SYNDIG1: variants seen among roughly 807,000 people sequenced by gnomAD.
SYNDIG1 encodes the protein synapse differentiation-inducing gene protein 1.
SYNDIG1 carries 9 observed loss-of-function variants against 19.4 expected under a neutral mutation model. That is an observed-to-expected ratio of 0.46 (90% CI 0.28 to 0.81). The LOEUF (loss-of-function observed/expected upper bound fraction) is 0.81, where lower values mean the gene tolerates loss of function less well. Among genes scored for constraint, SYNDIG1 ranks in the 30% least tolerant of loss-of-function variants. The probability of loss-of-function intolerance (pLI) is 0.12; values close to 1 mark genes in which losing one functional copy is unlikely to be tolerated. For synonymous variants in SYNDIG1, 141 were observed against 145.9 expected, an observed-to-expected ratio of 0.97 and a Z score of 0.24; for missense variants, 311 against 343.3, an observed-to-expected ratio of 0.91 and a Z score of 0.74.
chr20:24,538,053 G>A lies in SYNDIG1; in HGVS notation c.-78-4967G>A, dbSNP rs1485096940. On this transcript the variant is annotated intron_variant, in intron 1 of 3. Transcript: ENST00000376862. Reference sequence around the variant, plus strand: ...TTTAGCATGAATCTCCACATAGATAGCTCTTCTTTTTATGTTTTATTTTAG... The same window carrying A: ...TTTAGCATGAATCTCCACATAGATAACTCTTCTTTTTATGTTTTATTTTAG... Among the ~76,000 whole-genome samples the A allele has an allele frequency of 2.6e-5, 4 of 152,090 alleles. No homozygotes were observed. The East Asian group carries it at 5.8e-4, about 22-fold the overall frequency.
chr20:24,642,356 A>T (rs2059386811), intron 3 of SYNDIG1, among the ~76,000 whole-genome samples: 1 of 151,972 alleles, frequency 6.6e-6, no homozygotes, highest in Admixed American at 6.6e-5. Flanking sequence ...TTGCACCTGG[A>T]GAGAGAGGGA....
intron 3 of SYNDIG1, among the ~76,000 whole-genome samples, chr20:24,624,792 C>T (rs1464407579): frequency 6.6e-6 from 1 of 152,124 alleles, no homozygotes; most frequent in Non-Finnish European, 1.5e-5. Context: ...AGGCCATATT[C>T]TGGGTCACAA....
At chr20:24,586,809 G>A (rs116502685) in intron 3 of SYNDIG1, among the ~76,000 whole-genome samples, 127 of 152,320 alleles carry the variant, frequency 8.3e-4, no homozygotes, top group African/African-American at 2.8e-3. Flanking sequence ...GGCTGCCTAC[G>A]TGGCCAAAGG....
At chr20:24,473,532 C>T (rs887647788) in intron 1 of SYNDIG1, among the ~76,000 whole-genome samples, 4 of 152,076 alleles carry the variant, frequency 2.6e-5, no homozygotes, top group African/African-American at 4.8e-5. Flanking sequence ...TGAAGTAACC[C>T]GGGCACCAGC....
intron 3 of SYNDIG1, among the ~76,000 whole-genome samples, chr20:24,622,143 A>T (rs2059049139): frequency 6.6e-6 from 1 of 152,238 alleles, no homozygotes; most frequent in Non-Finnish European, 1.5e-5. Flanking sequence ...ACGTTGATGG[A>T]AGAGGTAGAC....
chr20:24,500,051 A>T (rs1286318803), intron 1 of SYNDIG1, among the ~76,000 whole-genome samples: 1 of 152,166 alleles, frequency 6.6e-6, no homozygotes, highest in Admixed American at 6.5e-5. Flanking sequence ...AGGGAACCCA[A>T]AAAAGGCCAC....
chr20:24,590,844 G>A (rs7268862), intron 3 of SYNDIG1, among the ~76,000 whole-genome samples: 28,576 of 152,166 alleles, frequency 0.19, 3,563 homozygotes, highest in Admixed American at 0.34. Flanking sequence ...GCCCGTGGGA[G>A]CATTGACCGC....
rs563375603 is a variant in SYNDIG1, at chr20:24,569,410, A to G, written c.481-15446A>G. On this transcript the variant is annotated intron_variant, in intron 2 of 3. Coordinates refer to ENST00000376862, the MANE Select transcript of SYNDIG1 (RefSeq NM_024893.3). ...AATCACATATGATTAATTCACTTAT[A>G]AAGTTCCACATGCCCAGAGAGAGCA... Among the ~76,000 whole-genome samples, 4 of 152,284 alleles carry G rather than the reference A, an allele frequency of 2.6e-5. No homozygotes were observed. The South Asian group carries it at 8.3e-4, about 32-fold the overall frequency.
intron 2 of SYNDIG1, among the ~76,000 whole-genome samples, chr20:24,558,995 A>G (rs2057881449): frequency 1.3e-5 from 2 of 152,226 alleles, no homozygotes; most frequent in African/African-American, 2.4e-5. Context: ...TGATCGAGCA[A>G]TATCAGAAAT....
intron 2 of SYNDIG1, among the ~76,000 whole-genome samples, chr20:24,546,093 G>A (rs2057570718): frequency 6.6e-6 from 1 of 152,120 alleles, no homozygotes; most frequent in Non-Finnish European, 1.5e-5. Context: ...ATGCCAAGGA[G>A]GATTTCAGAG....
intron 2 of SYNDIG1, 37 bp from the exon 3 acceptor site, chr20:24,584,816 ATCT>A (rs759200488): frequency 1.9e-6 from 3 of 1,613,180 alleles, no homozygotes; most frequent in African/African-American, 1.3e-5. Flanking sequence ...TCCTTTATTA[ATCT>A]TCTCTCCTGT....
intron 3 of SYNDIG1, among the ~76,000 whole-genome samples, chr20:24,660,730 T>A (rs1044358023): frequency 6.6e-6 from 1 of 152,274 alleles, no homozygotes; most frequent in African/African-American, 2.4e-5. Context: ...AGCTTCAGCC[T>A]GCTGGCACAG....
chr20:24,498,853 TATG>T (rs747275136), intron 1 of SYNDIG1, among the ~76,000 whole-genome samples: 1 of 152,176 alleles, frequency 6.6e-6, no homozygotes, highest in Non-Finnish European at 1.5e-5. Context: ...CCTTGGCTGT[TATG>T]AAGAATGCTG....
chr20:24,496,802 A>T (rs144554725), intron 1 of SYNDIG1, among the ~76,000 whole-genome samples: 1,874 of 152,324 alleles, frequency 0.012, 41 homozygotes, highest in African/African-American at 0.041. Flanking sequence ...CTGGGGGAGA[A>T]AAAAAGATCT....
chr20:24,546,877 T>A (rs560070336), intron 2 of SYNDIG1, among the ~76,000 whole-genome samples: 1 of 152,288 alleles, frequency 6.6e-6, no homozygotes, highest in African/African-American at 2.4e-5. Context: ...CAGAAGGCAG[T>A]TCTACTCAGC....
chr20:24,614,795 A>G (rs1442128041), intron 3 of SYNDIG1, among the ~76,000 whole-genome samples: 1 of 152,228 alleles, frequency 6.6e-6, no homozygotes, highest in African/African-American at 2.4e-5. Flanking sequence ...TGCTTCGCCT[A>G]TTTAAATGCC....
chr20:24,586,217 G>A (rs1159096787), intron 3 of SYNDIG1, among the ~76,000 whole-genome samples: 3 of 152,194 alleles, frequency 2.0e-5, no homozygotes, highest in Non-Finnish European at 2.9e-5. Context: ...AGGCAGGGGT[G>A]TAGCTGGAGG....
intron 1 of SYNDIG1, among the ~76,000 whole-genome samples, chr20:24,516,580 C>T (rs1440347714): frequency 2.0e-5 from 3 of 152,238 alleles, no homozygotes; most frequent in Admixed American, 2.0e-4. Context: ...CTCATCATCA[C>T]TGGCCATCAG....
chr20:24,630,895 T>A (rs963758816), intron 3 of SYNDIG1, among the ~76,000 whole-genome samples: 3 of 152,190 alleles, frequency 2.0e-5, no homozygotes, highest in Non-Finnish European at 4.4e-5. Flanking sequence ...TGAAGGCAAA[T>A]GCCTTAGGAG....
Sources: gnomAD v4.1 joint callset for allele counts (sites outside exome capture counted in the v4.1 genomes callset) on GRCh38, gnomAD v4.1.1 for gene constraint, MANE v1.5 for transcripts, NCBI Gene and HGNC (gene_info 2026-07-23, HGNC 2026-07-21) for gene names.